GLRA3: variants seen among roughly 807,000 people sequenced by gnomAD.
GLRA3 encodes glycine receptor subunit alpha-3.
Under a neutral mutation model 60.4 loss-of-function variants are expected in GLRA3, and 44 were observed. That is an observed-to-expected ratio of 0.73 (90% CI 0.57 to 0.94). GLRA3 has a LOEUF of 0.94. Ranked by LOEUF, GLRA3 falls within the 40% of genes least tolerant of loss-of-function variation. GLRA3 has a pLI of 0.00. For missense variants in GLRA3, 508 were observed against 564.6 expected, an observed-to-expected ratio of 0.90 and a Z score of 1.02; for synonymous variants, 223 against 192.9, an observed-to-expected ratio of 1.16 and a Z score of -1.29.
At chr4:174,682,515 TAAAG>T (rs1454750190) in intron 6 of GLRA3, among the ~76,000 whole-genome samples, 2 of 152,156 alleles carry the variant, frequency 1.3e-5, no homozygotes, top group African/African-American at 4.8e-5. Flanking sequence ...TCACAGAAAT[TAAAG>T]GAATAGTTTT....
chr4:174,757,699 C>A (rs867068906), intron 3 of GLRA3, among the ~76,000 whole-genome samples: 1 of 152,212 alleles, frequency 6.6e-6, no homozygotes, highest in Admixed American at 6.5e-5. Context: ...GAATAAATCT[C>A]TATCAAAGAA....
chr4:174,783,561 A>G (rs1190383232), intron 2 of GLRA3, among the ~76,000 whole-genome samples: 8 of 141,474 alleles, frequency 5.7e-5, no homozygotes, highest in Non-Finnish European at 1.2e-4. Context: ...AATTTTTGCA[A>G]CCTACTCATC....
rs534567036 is a variant in GLRA3, at chr4:174,656,305, A to G, written c.1116+438T>C. On this transcript the variant is annotated intron_variant, in intron 9 of 9. Coordinates refer to ENST00000274093, the MANE Select transcript of GLRA3 (RefSeq NM_006529.4). Reference sequence around the variant, plus strand: ...TGGATTCTAAAGATACACAGAAGGCACGAAGCATTTTGTTGCCTTATTTTG... The same window carrying G: ...TGGATTCTAAAGATACACAGAAGGCGCGAAGCATTTTGTTGCCTTATTTTG... Among the ~76,000 whole-genome samples the G allele has an allele frequency of 2.0e-4, 31 of 152,276 alleles. No individual in the cohort carries two copies. The South Asian group carries it at 6.4e-3, about 32-fold the overall frequency.
chr4:174,736,033 A>G (rs1736771645), intron 3 of GLRA3, among the ~76,000 whole-genome samples: 1 of 152,146 alleles, frequency 6.6e-6, no homozygotes, highest in Non-Finnish European at 1.5e-5. Context: ...ATGATCTTCA[A>G]ATCAGATTTC....
At chr4:174,744,538 A>G (rs536277778) in intron 3 of GLRA3, among the ~76,000 whole-genome samples, 110 of 152,320 alleles carry the variant, frequency 7.2e-4, no homozygotes, top group Middle Eastern at 3.4e-3. Flanking sequence ...AATCACAAAT[A>G]CCACCAATGC....
At chr4:174,708,115 T>C (rs1318145366) in intron 5 of GLRA3, among the ~76,000 whole-genome samples, 1 of 152,172 alleles carries the variant, frequency 6.6e-6, no homozygotes, top group Non-Finnish European at 1.5e-5. Flanking sequence ...CATCTGTATT[T>C]CTCACTAGGC....
rs537048116 is a variant in GLRA3 at position 174,684,717 on chromosome 4, GT to G, written c.575-1779del. 7.5e-4 allele frequency among the ~76,000 whole-genome samples: 114 copies of G among 152,272 alleles called. 4 individuals carry two copies. The South Asian group carries it at 0.023, about 31-fold the overall frequency. On this transcript the variant is annotated intron_variant, in intron 5 of 9. Coordinates refer to ENST00000274093, the MANE Select transcript of GLRA3 (RefSeq NM_006529.4). ...CTGAACCAAGTCAAATGGTCGGTAT[GT>G]TAAAAGCGCTTGGGCGCAGTGTCTC... is the stretch of plus-strand genomic sequence containing the variant.
chr4:174,786,615 A>G (rs994243997), intron 2 of GLRA3, among the ~76,000 whole-genome samples: 1 of 152,238 alleles, frequency 6.6e-6, no homozygotes, highest in Non-Finnish European at 1.5e-5. Flanking sequence ...ATTTTATCCA[A>G]TGAAATGACA....
At chr4:174,718,183 A>G (rs1175277901) in intron 4 of GLRA3, among the ~76,000 whole-genome samples, 1 of 152,202 alleles carries the variant, frequency 6.6e-6, no homozygotes, top group African/African-American at 2.4e-5. Context: ...CTCCTTTCAC[A>G]GCATACTGAA....
rs374299521 is a variant in GLRA3, at chr4:174,640,767, A to C, written c.*3019T>G. 2 of 152,076 alleles carry C rather than the reference A, an allele frequency of 1.3e-5. No individual in the cohort carries two copies. Among genetic ancestry groups the C allele is most frequent in the Non-Finnish European group, 2.9e-5 (2 of 67,984 alleles). The allele number at this position is 152,076 out of a possible 1,614,324, so 9.4% of individuals were successfully genotyped here. A position where few individuals can be genotyped will look rare whatever the true frequency, so the allele number is the denominator to read the frequency against. On this transcript the variant is annotated 3_prime_UTR_variant, in exon 10 of 10. Coordinates refer to ENST00000274093, the MANE Select transcript of GLRA3 (RefSeq NM_006529.4). ...ACAAGCAATTAAATTCCAAATTAAG[A>C]TAAAAGTTATTAGAATATATCAACA... is the stretch of plus-strand genomic sequence containing the variant.
chr4:174,739,982 T>C (rs774165065), intron 3 of GLRA3, among the ~76,000 whole-genome samples: 5 of 152,190 alleles, frequency 3.3e-5, no homozygotes, highest in Non-Finnish European at 7.3e-5. Context: ...CTATTGCAGT[T>C]TTCCTATTCT....
At chr4:174,698,232 C>A (rs1156606159) in intron 5 of GLRA3, among the ~76,000 whole-genome samples, 1 of 151,952 alleles carries the variant, frequency 6.6e-6, no homozygotes, top group East Asian at 1.9e-4. Flanking sequence ...CACTCTGTTG[C>A]CCAGGCTGGA....
At chr4:174,753,539 C>A (rs1329392978) in intron 3 of GLRA3, among the ~76,000 whole-genome samples, 3 of 152,090 alleles carry the variant, frequency 2.0e-5, no homozygotes, top group African/African-American at 7.2e-5. Flanking sequence ...GGAGAGGATT[C>A]TTTCAGAAAA....
At chr4:174,794,169 C>T (rs938222172) in intron 1 of GLRA3, among the ~76,000 whole-genome samples, 1 of 152,044 alleles carries the variant, frequency 6.6e-6, no homozygotes, top group African/African-American at 2.4e-5. Flanking sequence ...ACATTTTTCT[C>T]ATCTCATACT....
intron 3 of GLRA3, among the ~76,000 whole-genome samples, chr4:174,740,714 G>C (rs1245228477): frequency 1.3e-5 from 2 of 152,214 alleles, no homozygotes; most frequent in Non-Finnish European, 2.9e-5. Context: ...GCAGGTTACA[G>C]AATAGAGCTC....
rs147041990 is a variant in GLRA3, at chr4:174,746,167, A to T, written c.268-17469T>A. 4.1e-3 allele frequency among the ~76,000 whole-genome samples: 630 copies of T among 152,318 alleles called. 5 individuals are homozygous for T. Among genetic ancestry groups the T allele is most frequent in the African/African-American group, 0.014 (565 of 41,584 alleles). On this transcript the variant is annotated intron_variant, in intron 3 of 9. Transcript: ENST00000274093. ...GTATCTATCCAAAGGAAAATAATTC[A>T]GTATATCAAGGGGATACCTGCACTT...
rs182031714 is a variant in GLRA3 at position 174,704,269 on chromosome 4, G to A, written c.574+11219C>T. Among the ~76,000 whole-genome samples, 235 of 143,618 alleles carry A rather than the reference G, an allele frequency of 1.6e-3. 31 individuals are homozygous for A. The highest frequency in any genetic ancestry group is 2.9e-3 in the Non-Finnish European group (189 of 64,672). The allele number at this position is 143,618 out of a possible 152,430, so 94.2% of individuals were successfully genotyped here. A position where few individuals can be genotyped will look rare whatever the true frequency, so the allele number is the denominator to read the frequency against. The stretch of plus-strand genomic sequence containing the variant: ...AGGTCACACCACTGCACTCCAGCGC[G>A]GGCAACAGAGTCAGACCCTATATAC... On this transcript the variant is annotated intron_variant, in intron 5 of 9. Coordinates refer to ENST00000274093, the MANE Select transcript of GLRA3 (RefSeq NM_006529.4).
At chr4:174,759,295 T>G (rs924502353) in intron 3 of GLRA3, among the ~76,000 whole-genome samples, 6 of 150,634 alleles carry the variant, frequency 4.0e-5, no homozygotes, top group Non-Finnish European at 7.4e-5. Flanking sequence ...AATAATCATG[T>G]TCTTATGTAT....
intron 7 of GLRA3, among the ~76,000 whole-genome samples, chr4:174,663,955 A>G (rs905450567): frequency 6.6e-6 from 1 of 152,154 alleles, no homozygotes; most frequent in Non-Finnish European, 1.5e-5. Context: ...CTCTGTGAAT[A>G]CCAGTGTCTA....
Sources: allele counts gnomAD v4.1 joint callset (sites outside exome capture counted in the v4.1 genomes callset), GRCh38; gene constraint gnomAD v4.1.1; transcripts MANE v1.5; gene names NCBI Gene and HGNC (gene_info 2026-07-23, HGNC 2026-07-21).